Variants in GPC5 observed in about 807,000 individuals in gnomAD.
GPC5 encodes the protein glypican 5, also known as glypican-5.
Under a neutral mutation model 53.9 loss-of-function variants are expected in GPC5, and 47 were observed. That is an observed-to-expected ratio of 0.87 (90% CI 0.69 to 1.11). The LOEUF (loss-of-function observed/expected upper bound fraction) is 1.11, where lower values mean the gene tolerates loss of function less well. Among genes scored for constraint, GPC5 ranks in the 50% most tolerant of loss-of-function variants. The probability of loss-of-function intolerance (pLI) is 0.00; values close to 1 mark genes in which losing one functional copy is unlikely to be tolerated. For missense variants in GPC5, 748 were observed against 713.1 expected, an observed-to-expected ratio of 1.05 and a Z score of -0.56; for synonymous variants, 286 against 263.3, an observed-to-expected ratio of 1.09 and a Z score of -0.84.
intron 7 of GPC5, among the ~76,000 whole-genome samples, chr13:92,442,620 A>G (rs1877620668): frequency 6.6e-6 from 1 of 152,210 alleles, no homozygotes; most frequent in East Asian, 1.9e-4. Flanking sequence ...TAAGAAAAAA[A>G]GTAATATTGG....
intron 7 of GPC5, among the ~76,000 whole-genome samples, chr13:92,696,203 G>A (rs537279290): frequency 6.6e-6 from 1 of 152,108 alleles, no homozygotes; most frequent in Non-Finnish European, 1.5e-5. Flanking sequence ...AATCCTTTGG[G>A]TATATACTCA....
chr13:92,818,526 CTGAT>C (rs1426328268), intron 7 of GPC5, among the ~76,000 whole-genome samples: 1 of 151,930 alleles, frequency 6.6e-6, no homozygotes, highest in Non-Finnish European at 1.5e-5. Context: ...GATGAATAAT[CTGAT>C]TGTTGGAAGT....
chr13:92,753,824 A>C (rs1372972204), intron 7 of GPC5, among the ~76,000 whole-genome samples: 1 of 152,172 alleles, frequency 6.6e-6, no homozygotes, highest in Non-Finnish European at 1.5e-5. Context: ...GAAATATGGG[A>C]CTATGTGAAA....
At chr13:91,639,768 G>A (rs2034376419) in intron 2 of GPC5, among the ~76,000 whole-genome samples, 1 of 152,178 alleles carries the variant, frequency 6.6e-6, no homozygotes, top group Non-Finnish European at 1.5e-5. Flanking sequence ...TATTCATGGA[G>A]GACATATAGT....
chr13:92,406,512 A>G (rs1379458370), intron 7 of GPC5, among the ~76,000 whole-genome samples: 1 of 152,186 alleles, frequency 6.6e-6, no homozygotes, highest in Non-Finnish European at 1.5e-5. Flanking sequence ...TCAGTTCATG[A>G]AGATTTTTCT....
chr13:92,735,355 C>T lies in GPC5; in HGVS notation c.1562-130927C>T, dbSNP rs77398133. On this transcript the variant is annotated intron_variant, in intron 7 of 7. Transcript: ENST00000377067. The stretch of plus-strand genomic sequence containing the variant: ...ATGGCACTTTTTTATTGAAGTCATG[C>T]ATTGGCCAGCATTTTAACCCAATAA... Among the ~76,000 whole-genome samples the T allele has an allele frequency of 3.4e-4, 52 of 152,074 alleles. No individual in the cohort carries two copies. In the East Asian group the frequency reaches 9.9e-3, roughly 29 times the overall value.
At chr13:92,106,848 C>A (rs2041514216) in intron 6 of GPC5, among the ~76,000 whole-genome samples, 1 of 152,002 alleles carries the variant, frequency 6.6e-6, no homozygotes, top group Admixed American at 6.6e-5. Context: ...TGAATGCCTG[C>A]ATAAAAATTT....
chr13:91,697,499 C>CA (rs1201793648), intron 3 of GPC5, among the ~76,000 whole-genome samples: 3 of 150,262 alleles, frequency 2.0e-5, no homozygotes, highest in Non-Finnish European at 4.4e-5. Flanking sequence ...GTGTAGAGCT[C>CA]AAAAAATATT....
At position 91,798,762 on chromosome 13, in the gene GPC5, T is replaced by G. The variant is rs150373394; in HGVS notation, c.1280+42342T>G. On this transcript the variant is annotated intron_variant, in intron 5 of 7. Transcript: ENST00000377067. ...CCAAATTGCTGGGTCAAATGGTATT[T>G]CTGCCTCTAGATCTTTTAGAAATTG... Among the ~76,000 whole-genome samples, 1,023 of 152,288 alleles carry G rather than the reference T, an allele frequency of 6.7e-3. 4 individuals carry two copies. The highest frequency in any genetic ancestry group is 0.011 in the Non-Finnish European group (733 of 68,024).
chr13:92,459,068 G>A (rs562989829), intron 7 of GPC5, among the ~76,000 whole-genome samples: 29 of 152,226 alleles, frequency 1.9e-4, no homozygotes, highest in Non-Finnish European at 3.7e-4. Context: ...ATATAACTAT[G>A]CTTTGTTAGT....
intron 7 of GPC5, among the ~76,000 whole-genome samples, chr13:92,811,578 G>A (rs1355035782): frequency 6.6e-6 from 1 of 151,658 alleles, no homozygotes; most frequent in Non-Finnish European, 1.5e-5. Context: ...TGCCTTTTTA[G>A]TTTCTTAATA....
At chr13:92,004,443 C>CAA (rs1172434127) in intron 6 of GPC5, among the ~76,000 whole-genome samples, 6 of 46,992 alleles carry the variant, frequency 1.3e-4, no homozygotes, top group African/African-American at 4.3e-4. Context: ...GACTCCGTCT[C>CAA]AAAAAAAAAA....
intron 7 of GPC5, among the ~76,000 whole-genome samples, chr13:92,857,119 A>C (rs1172476253): frequency 1.3e-5 from 2 of 152,126 alleles, no homozygotes; most frequent in Non-Finnish European, 2.9e-5. Flanking sequence ...CGGTACAAAA[A>C]CACAGACGAA....
chr13:92,717,582 C>T (rs1234586569), intron 7 of GPC5, among the ~76,000 whole-genome samples: 1 of 152,168 alleles, frequency 6.6e-6, no homozygotes, highest in South Asian at 2.1e-4. Flanking sequence ...TCTCCTACCA[C>T]ACATCAAATG....
chr13:92,648,994 G>A (rs1885862270), intron 7 of GPC5, among the ~76,000 whole-genome samples: 1 of 152,076 alleles, frequency 6.6e-6, no homozygotes, highest in African/African-American at 2.4e-5. Context: ...GTATGCAACA[G>A]GTTTCCTTCT....
chr13:92,813,061 G>A (rs1279359912), intron 7 of GPC5, among the ~76,000 whole-genome samples: 1 of 151,674 alleles, frequency 6.6e-6, no homozygotes, highest in Non-Finnish European at 1.5e-5. Flanking sequence ...TTAAATACCG[G>A]CCTTTCGAAG....
chr13:91,505,943 T>C (rs1458769101), intron 2 of GPC5, among the ~76,000 whole-genome samples: 6 of 152,114 alleles, frequency 3.9e-5, no homozygotes, highest in Non-Finnish European at 7.4e-5. Context: ...CAATATATTA[T>C]TTTATTTTGC....
At chr13:92,858,532 A>G (rs564120916) in intron 7 of GPC5, among the ~76,000 whole-genome samples, 1 of 152,318 alleles carries the variant, frequency 6.6e-6, no homozygotes, top group East Asian at 1.9e-4. Flanking sequence ...GCTGGAGACC[A>G]TTACCCTAGG....
chr13:91,532,481 A>C (rs185213459), intron 2 of GPC5, among the ~76,000 whole-genome samples: 52 of 152,302 alleles, frequency 3.4e-4, no homozygotes, highest in African/African-American at 1.2e-3. Context: ...ATATCCATTT[A>C]TATCAGTTGT....
Sources: gnomAD v4.1 joint callset for allele counts (sites outside exome capture counted in the v4.1 genomes callset) on GRCh38, gnomAD v4.1.1 for gene constraint, MANE v1.5 for transcripts, NCBI Gene and HGNC (gene_info 2026-07-23, HGNC 2026-07-21) for gene names.